Variants in NPIPB12 observed in about 807,000 individuals in gnomAD.
The protein encoded by NPIPB12 is nuclear pore complex interacting protein family member B12.
intron 1 of NPIPB12, among the ~76,000 whole-genome samples, chr16:29,498,390 AAAGT>A (rs1965168606): frequency 7.3e-6 from 1 of 137,200 alleles, no homozygotes; most frequent in Non-Finnish European, 1.6e-5. Flanking sequence ...TGTACTTTCC[AAAGT>A]TAGTAAACTT....
At chr16:29,492,488 G>C (rs1424248700) in intron 2 of NPIPB12, among the ~76,000 whole-genome samples, 1 of 70,340 alleles carries the variant, frequency 1.4e-5, no homozygotes, top group Admixed American at 1.5e-4. Context: ...TGAAACTCTT[G>C]TCTCAAAAAA....
At chr16:29,497,039 G>A (rs1965140431) in intron 1 of NPIPB12, among the ~76,000 whole-genome samples, 1 of 31,622 alleles carries the variant, frequency 3.2e-5, no homozygotes, top group Non-Finnish European at 6.3e-5. Context: ...TTTTTAAATT[G>A]ATGTATAACA....
chr16:29,492,523 C>T (rs1442551339), intron 2 of NPIPB12, among the ~76,000 whole-genome samples: 11 of 74,270 alleles, frequency 1.5e-4, no homozygotes, highest in Non-Finnish European at 2.0e-4. Context: ...AGGCCAGATG[C>T]GGTAGCTCAC....
chr16:29,504,518 G>C (rs1483027047), intron 2 of NPIPB12, among the ~76,000 whole-genome samples: 1 of 35,956 alleles, frequency 2.8e-5, no homozygotes, highest in Non-Finnish European at 6.3e-5. Context: ...AAATATATGT[G>C]TGTGTGTGTG....
At chr16:29,492,533 C>T (rs1168172361) in intron 2 of NPIPB12, among the ~76,000 whole-genome samples, 6 of 82,434 alleles carry the variant, frequency 7.3e-5, no homozygotes, top group East Asian at 1.2e-3. Context: ...CGGTAGCTCA[C>T]GCCTGTAATC....
intron 2 of NPIPB12, among the ~76,000 whole-genome samples, chr16:29,504,693 TGAA>T (rs1376935032): frequency 3.5e-5 from 1 of 28,526 alleles, no homozygotes; most frequent in African/African-American, 1.3e-4. Flanking sequence ...TCAAAACAAA[TGAA>T]GGAGAATAAA....
chr16:29,498,405 AC>A, intron 1 of NPIPB12, among the ~76,000 whole-genome samples: 1 of 129,528 alleles, frequency 7.7e-6, no homozygotes, highest in Non-Finnish European at 1.6e-5. Flanking sequence ...TAGTAAACTT[AC>A]ACTTAAGGTT....
intron 1 of NPIPB12, among the ~76,000 whole-genome samples, chr16:29,498,298 C>CTAAATA (rs775189410): frequency 1.5e-5 from 2 of 134,586 alleles, no homozygotes; most frequent in South Asian, 4.8e-4. Context: ...GAAACTGTCT[C>CTAAATA]AAAATAAATA....
intron 4 of NPIPB12, among the ~76,000 whole-genome samples, chr16:29,490,357 C>T (rs1965064844): frequency 9.2e-6 from 1 of 108,672 alleles, no homozygotes; most frequent in Non-Finnish European, 1.8e-5. Context: ...GTGGCTCACA[C>T]TGGGAGGCTG....
upstream of NPIPB12, among the ~76,000 whole-genome samples, chr16:29,501,437 A>G (rs1965192547): frequency 5.8e-5 from 1 of 17,156 alleles, no homozygotes. Flanking sequence ...AGATTGCACC[A>G]CTGCACTCCA....
chr16:29,492,792 CAA>C (rs1217104796), intron 2 of NPIPB12, among the ~76,000 whole-genome samples: 9 of 64,610 alleles, frequency 1.4e-4, no homozygotes, highest in Admixed American at 3.6e-4. Context: ...GACTCCGTCT[CAA>C]AAAAAAAAAA....
intron 2 of NPIPB12, among the ~76,000 whole-genome samples, chr16:29,504,493 A>T (rs1489115077): frequency 8.1e-6 from 1 of 123,420 alleles, no homozygotes; most frequent in Non-Finnish European, 1.7e-5. Context: ...GGACAGAGTG[A>T]AACTCTGTCT....
chr16:29,490,367 G>C (rs1965064951), intron 4 of NPIPB12, among the ~76,000 whole-genome samples: 1 of 110,578 alleles, frequency 9.0e-6, no homozygotes, highest in African/African-American at 3.6e-5. Context: ...CTGGGAGGCT[G>C]AGGTAGGCAG....
At chr16:29,506,320 CA>C (rs1264317818), upstream of NPIPB12, among the ~76,000 whole-genome samples, 1 of 47,492 alleles carries the variant, frequency 2.1e-5, no homozygotes, top group Non-Finnish European at 3.1e-5. Context: ...GATCTCCTTC[CA>C]AATCTTCATT....
chr16:29,498,427 G>A (rs1965169501), intron 1 of NPIPB12, among the ~76,000 whole-genome samples: 1 of 92,598 alleles, frequency 1.1e-5, no homozygotes, highest in Non-Finnish European at 2.1e-5. Context: ...ATATATTTTG[G>A]CCAGGCGCGG....
At chr16:29,500,926 G>A (rs1472793176), upstream of NPIPB12, among the ~76,000 whole-genome samples, 1 of 2,718 alleles carries the variant, frequency 3.7e-4, no homozygotes, top group Non-Finnish European at 6.0e-4. Flanking sequence ...GGGGCCTGGT[G>A]ACCAGGACAG....
chr16:29,497,112 G>C (rs1332689052), intron 1 of NPIPB12, among the ~76,000 whole-genome samples: 1 of 83,640 alleles, frequency 1.2e-5, no homozygotes, highest in African/African-American at 3.9e-5. Flanking sequence ...TTCTCTCTTG[G>C]ATTATATGAA....
At chr16:29,501,128 A>G (rs1965188678), upstream of NPIPB12, among the ~76,000 whole-genome samples, 1 of 61,272 alleles carries the variant, frequency 1.6e-5, no homozygotes, top group Admixed American at 1.6e-4. Flanking sequence ...GATGCTACAA[A>G]TGGAAAGCCA....
At chr16:29,490,875 G>A (rs1400228408) in intron 4 of NPIPB12, among the ~76,000 whole-genome samples, 9 of 95,150 alleles carry the variant, frequency 9.5e-5, no homozygotes, top group Admixed American at 3.9e-4. Flanking sequence ...CTCCAGCCTG[G>A]GCGACAGAGC....
Sources: gnomAD v4.1 joint callset for allele counts (sites outside exome capture counted in the v4.1 genomes callset) on GRCh38, gnomAD v4.1.1 for gene constraint, MANE v1.5 for transcripts, NCBI Gene and HGNC (gene_info 2026-07-23, HGNC 2026-07-21) for gene names.